CELF2: variants seen among roughly 807,000 people sequenced by gnomAD.
CELF2 encodes the protein CUG triplet repeat RNA-binding protein 2.
CELF2 carries 8 observed loss-of-function variants against 62.6 expected under a neutral mutation model. The observed-to-expected ratio is 0.13, with a 90% CI of 0.07 to 0.23. The LOEUF is 0.23. Ranked by LOEUF, CELF2 falls within the 10% of genes least tolerant of loss-of-function variation. CELF2 has a pLI of 1.00. For missense variants in CELF2, 333 were observed against 671.0 expected (o/e 0.50, Z 5.56); for synonymous variants, 258 against 250.0 (o/e 1.03, Z -0.30).
At chr10:11,216,706 C>T (rs529695997) in intron 2 of CELF2, among the ~76,000 whole-genome samples, 92 of 152,254 alleles carry the variant, frequency 6.0e-4, no homozygotes, top group African/African-American at 2.0e-3. Context: ...GCGGAAGGGC[C>T]GGGGACTCCC....
At chr10:10,715,215 AATAT>A in the CELF2 span, among the ~76,000 whole-genome samples, 1 of 152,344 alleles carries the variant, frequency 6.6e-6, no homozygotes, top group African/African-American at 2.4e-5. Context: ...ATTAATAGTT[AATAT>A]AGTTAGTCAA....
intron 1 of CELF2, among the ~76,000 whole-genome samples, chr10:10,816,980 G>C (rs892531205): frequency 6.6e-6 from 1 of 152,190 alleles, no homozygotes; most frequent in Non-Finnish European, 1.5e-5. Flanking sequence ...GGAACCTATA[G>C]GTCAGATAAG....
the CELF2 span, among the ~76,000 whole-genome samples, chr10:10,637,186 C>T: frequency 6.6e-6 from 1 of 152,086 alleles, no homozygotes; most frequent in African/African-American, 2.4e-5. Context: ...TAAGGGAAAG[C>T]TAAAAATGTT....
chr10:11,312,274 G>A (rs937023235), intron 9 of CELF2, among the ~76,000 whole-genome samples: 3 of 152,118 alleles, frequency 2.0e-5, no homozygotes, highest in Admixed American at 6.6e-5. Flanking sequence ...AAGCTGTATT[G>A]GATATAACTT....
chr10:10,661,438 G>A, the CELF2 span, among the ~76,000 whole-genome samples: 735 of 152,298 alleles, frequency 4.8e-3, 1 homozygote, highest in Non-Finnish European at 7.9e-3. Context: ...GTGGTTTCCA[G>A]GCTCTGGCTT....
chr10:10,771,789 G>T, the CELF2 span, among the ~76,000 whole-genome samples: 1 of 152,160 alleles, frequency 6.6e-6, no homozygotes. Context: ...TCTTTCTTTT[G>T]TAAATTGCCC....
intron 1 of CELF2, among the ~76,000 whole-genome samples, chr10:10,819,393 C>CAG (rs750799542): frequency 3.9e-5 from 6 of 152,116 alleles, no homozygotes; most frequent in Non-Finnish European, 7.3e-5. Context: ...GCTTTAGAGC[C>CAG]AGAAACCACG....
At chr10:10,803,679 A>G (rs2054904367) in intron 1 of CELF2, among the ~76,000 whole-genome samples, 1 of 152,244 alleles carries the variant, frequency 6.6e-6, no homozygotes, top group Admixed American at 6.5e-5. Flanking sequence ...TTCAGCTAAT[A>G]TTCTCATCAC....
chr10:11,154,918 T>C (rs1223433849), intron 1 of CELF2, among the ~76,000 whole-genome samples: 1 of 152,206 alleles, frequency 6.6e-6, no homozygotes, highest in Non-Finnish European at 1.5e-5. Flanking sequence ...AGCAGGATAC[T>C]TAGTCAGCAT....
At position 11,247,800 on chromosome 10, in the gene CELF2, C is replaced by T. The variant is rs2076064400; in HGVS notation, c.355-1353C>T. Among the ~76,000 whole-genome samples the T allele has an allele frequency of 6.6e-6, 1 of 152,190 alleles. No individual in the cohort carries two copies. Among genetic ancestry groups the T allele is most frequent in the Non-Finnish European group, 1.5e-5 (1 of 68,028 alleles). ...CATCTCCCCCAGGCATGTTGCTGGT[C>T]CTTCTCTCCATTTCTATAGGATAGA... On this transcript the variant is annotated intron_variant, in intron 3 of 12. Transcript: ENST00000633077. The surrounding 1 kb of genome is among the most constrained non-coding windows in gnomAD (Gnocchi z 5.4).
rs928785618 is a variant in CELF2 at position 11,217,209 on chromosome 10, G to A, written c.272-216G>A. ...TCCAGAGAGGTGAGGCACAGAGTCA[G>A]GAATTGATCTCCAACGTGGGTAAAG... is the stretch of plus-strand genomic sequence containing the variant. On this transcript the variant is annotated intron_variant, in intron 2 of 12. Coordinates refer to ENST00000633077, the MANE Select transcript of CELF2 (RefSeq NM_001326342.2). The surrounding 1 kb of genome is among the most constrained non-coding windows in gnomAD (Gnocchi z 5.6). 2.0e-5 allele frequency among the ~76,000 whole-genome samples: 3 copies of A among 152,158 alleles called. No individual in the cohort carries two copies. The highest frequency in any genetic ancestry group is 4.4e-5 in the Non-Finnish European group (3 of 68,040).
At chr10:10,811,341 A>G (rs2055863904) in intron 1 of CELF2, among the ~76,000 whole-genome samples, 1 of 152,160 alleles carries the variant, frequency 6.6e-6, no homozygotes, top group Admixed American at 6.5e-5. Flanking sequence ...TTTTAAAGGG[A>G]GAATGGGGTG....
At chr10:11,102,554 T>C (rs1009241715) in intron 1 of CELF2, among the ~76,000 whole-genome samples, 1 of 152,200 alleles carries the variant, frequency 6.6e-6, no homozygotes, top group Non-Finnish European at 1.5e-5. Flanking sequence ...ATGTGTGTGA[T>C]TTGTCCTTGA....
At position 11,223,475 on chromosome 10, in the gene CELF2, G is replaced by A. The variant is rs369141756; in HGVS notation, c.354+5968G>A. Reference sequence around the variant, plus strand: ...GAATTTGGCCTGGGCTGAGAAATTCGCCCTCATGGGACTGCCTAGGAGGAG... The same window carrying A: ...GAATTTGGCCTGGGCTGAGAAATTCACCCTCATGGGACTGCCTAGGAGGAG... On this transcript the variant is annotated intron_variant, in intron 3 of 12. Coordinates refer to ENST00000633077, the MANE Select transcript of CELF2 (RefSeq NM_001326342.2). The surrounding 1 kb of genome is among the most constrained non-coding windows in gnomAD (Gnocchi z 5.1). Among the ~76,000 whole-genome samples the A allele has an allele frequency of 2.7e-4, 41 of 152,310 alleles. No homozygotes were observed. In the East Asian group the frequency reaches 4.8e-3, roughly 18 times the overall value.
chr10:11,056,397 TAATC>T (rs749404584), intron 1 of CELF2, among the ~76,000 whole-genome samples: 112 of 152,364 alleles, frequency 7.4e-4, no homozygotes, highest in Admixed American at 1.9e-3. Flanking sequence ...CTGTAGTTGA[TAATC>T]AATCAGGTAA....
chr10:10,892,257 T>G (rs2062197901), intron 1 of CELF2, among the ~76,000 whole-genome samples: 2 of 152,078 alleles, frequency 1.3e-5, no homozygotes, highest in Non-Finnish European at 2.9e-5. Context: ...ACAATCAGGT[T>G]TAGGCAGGAA....
rs985846833 is a variant in CELF2, at chr10:10,928,619, C to T, written c.89+8620C>T. Among the ~76,000 whole-genome samples the T allele has an allele frequency of 2.0e-5, 3 of 152,148 alleles. No homozygotes were observed. Among genetic ancestry groups the T allele is most frequent in the African/African-American group, 7.2e-5 (3 of 41,428 alleles). On this transcript the variant is annotated intron_variant, in intron 2 of 13. Coordinates refer to the CELF2 transcript ENST00000636488. The surrounding 1 kb of genome is among the most constrained non-coding windows in gnomAD (Gnocchi z 4.8). ...ATAGCCCCCAAACTGAAAATATTTA[C>T]TGTTTACTTTTATAGAAAGGTTTGC...
At chr10:11,138,385 G>C (rs1396165915) in intron 1 of CELF2, among the ~76,000 whole-genome samples, 1 of 152,158 alleles carries the variant, frequency 6.6e-6, no homozygotes, top group Non-Finnish European at 1.5e-5. Context: ...GCTCTCAACT[G>C]TCCCAGCCTT....
At chr10:11,000,859 A>G (rs2054444484), upstream of CELF2, among the ~76,000 whole-genome samples, 1 of 152,182 alleles carries the variant, frequency 6.6e-6, no homozygotes, top group African/African-American at 2.4e-5. Flanking sequence ...GGATTGCACC[A>G]TATTCCATTA....
Sources: gnomAD v4.1 joint callset for allele counts (sites outside exome capture counted in the v4.1 genomes callset) on GRCh38, gnomAD v4.1.1 for gene constraint, Gnocchi (gnomAD v3.1) non-coding constraint, MANE v1.5 for transcripts, NCBI Gene and HGNC (gene_info 2026-07-23, HGNC 2026-07-21) for gene names.